LYPLA1: variants seen among roughly 807,000 people sequenced by gnomAD.
LYPLA1 encodes lysophospholipase 1.
In LYPLA1, 17 loss-of-function variants were observed where a neutral mutation model predicts 34.0. The ratio of observed to expected loss-of-function variants is 0.50; its 90% CI spans 0.34 to 0.75. LYPLA1 has a LOEUF of 0.75. Ranked by LOEUF, LYPLA1 falls within the 30% of genes least tolerant of loss-of-function variation. The pLI is 0.01. For missense variants in LYPLA1, 203 were observed against 288.8 expected (o/e 0.70, Z 2.15); for synonymous variants, 98 against 100.8 (o/e 0.97, Z 0.17).
intron 2 of LYPLA1, among the ~76,000 whole-genome samples, chr8:54,082,766 G>A: frequency 6.6e-6 from 1 of 151,778 alleles, no homozygotes; most frequent in Non-Finnish European, 1.5e-5. Flanking sequence ...TCGCTCTCTT[G>A]CCCAGGCTAG....
At chr8:54,092,131 A>G (rs1408269325) in intron 2 of LYPLA1, among the ~76,000 whole-genome samples, 1 of 150,918 alleles carries the variant, frequency 6.6e-6, no homozygotes, top group Admixed American at 6.6e-5. Context: ...CAGCGGCGGC[A>G]GAGGAGATGG....
downstream of LYPLA1, chr8:54,043,061 T>A (rs1163048706): frequency 6.6e-6 from 1 of 152,180 alleles, no homozygotes; most frequent in Non-Finnish European, 1.5e-5. Context: ...CATTGTGCTG[T>A]CACAAATAAC....
chr8:54,100,915 C>G lies in LYPLA1; in HGVS notation c.94G>C (p.Asp32His), dbSNP rs761230161. The G allele has an allele frequency of 1.9e-6, 3 of 1,609,794 alleles. No individual in the cohort carries two copies. Among genetic ancestry groups the G allele is most frequent in the Non-Finnish European group, 2.6e-6 (3 of 1,176,150 alleles). The change falls in exon 2 of 9, where the codon GAT becomes CAT. Residue 32 changes from aspartate to histidine, a missense_variant. Asp to His is a moderately conservative substitution (Grantham distance 81). Transcript: ENST00000316963. Reference sequence around the variant, plus strand: ...AATAATAATGGTACCTACCCAGTATCTCCCAATCCATGCAGGAAAATCACC... The same window carrying G: ...AATAATAATGGTACCTACCCAGTATGTCCCAATCCATGCAGGAAAATCACC... ...AAVIFLHGLG[D>H]TGHGWAEAFA...
chr8:54,067,532 T>G (rs946310246), intron 2 of LYPLA1, among the ~76,000 whole-genome samples: 1 of 152,188 alleles, frequency 6.6e-6, no homozygotes, highest in African/African-American at 2.4e-5. Flanking sequence ...AATTAAGGAA[T>G]AGATGCACAT....
rs1806437980 is a variant in LYPLA1 at position 54,059,387 on chromosome 8, C to A, written c.286+2867G>T. Among the ~76,000 whole-genome samples, 2 of 76,248 alleles carry A rather than the reference C, an allele frequency of 2.6e-5. 1 individual carries two copies. Among genetic ancestry groups the A allele is most frequent in the Non-Finnish European group, 4.0e-5 (2 of 49,422 alleles). The allele number at this position is 76,248 out of a possible 152,430, so 50.0% of individuals were successfully genotyped here. A position where few individuals can be genotyped will look rare whatever the true frequency, so the allele number is the denominator to read the frequency against. On this transcript the variant is annotated intron_variant, in intron 5 of 8. Coordinates refer to ENST00000316963, the MANE Select transcript of LYPLA1 (RefSeq NM_006330.4). ...TGGCGCAATCTCGGCTCACTGCAAGCTCCGCTTCCCGGGTTCACGCCATTC... is the reference window on the plus strand; with the variant it reads ...TGGCGCAATCTCGGCTCACTGCAAGATCCGCTTCCCGGGTTCACGCCATTC...
At chr8:54,048,942 A>G (rs986539234) in intron 8 of LYPLA1, among the ~76,000 whole-genome samples, 5 of 152,202 alleles carry the variant, frequency 3.3e-5, no homozygotes, top group Non-Finnish European at 5.9e-5. Flanking sequence ...ACTCATCTAT[A>G]GAGCTTTTAT....
intron 8 of LYPLA1, among the ~76,000 whole-genome samples, chr8:54,048,717 T>C (rs180697353): frequency 4.6e-5 from 7 of 152,340 alleles, no homozygotes; most frequent in Non-Finnish European, 1.0e-4. Context: ...TCAGCTCTTA[T>C]ATTTCAAGGC....
chr8:54,082,095 C>G (rs1256850586), intron 2 of LYPLA1, among the ~76,000 whole-genome samples: 3 of 152,140 alleles, frequency 2.0e-5, no homozygotes, highest in Non-Finnish European at 4.4e-5. Context: ...AGACTGTATC[C>G]TCAACGAAAC....
chr8:54,068,239 G>A (rs1453659266), intron 2 of LYPLA1, among the ~76,000 whole-genome samples: 3 of 152,072 alleles, frequency 2.0e-5, no homozygotes, highest in Non-Finnish European at 4.4e-5. Flanking sequence ...ATAAATGGAA[G>A]GATATCCCAC....
At chr8:54,101,273 T>C in intron 1 of LYPLA1, 2 of 954,172 alleles carry the variant, frequency 2.1e-6, no homozygotes, top group Non-Finnish European at 2.6e-6. Flanking sequence ...ATTTTTCCAC[T>C]GCAAAAGCAA....
At chr8:54,064,331 C>T (rs544754767) in intron 3 of LYPLA1, among the ~76,000 whole-genome samples, 3 of 152,118 alleles carry the variant, frequency 2.0e-5, no homozygotes, top group East Asian at 3.9e-4. Context: ...GCAGGAGAAA[C>T]GCATGAACCC....
At chr8:54,089,426 G>T (rs1045720483) in intron 2 of LYPLA1, among the ~76,000 whole-genome samples, 2 of 142,654 alleles carry the variant, frequency 1.4e-5, no homozygotes, top group African/African-American at 2.7e-5. Flanking sequence ...TTTATCACAG[G>T]TATGCATGCA....
At chr8:54,061,604 T>A (rs13277892) in intron 5 of LYPLA1, among the ~76,000 whole-genome samples, 1 of 152,002 alleles carries the variant, frequency 6.6e-6, no homozygotes, top group African/African-American at 2.4e-5. Context: ...GGAGACCCTG[T>A]GTCTACAAAA....
At position 54,100,930 on chromosome 8, in the gene LYPLA1, G is replaced by A; in HGVS notation, c.79C>T (p.Leu27=). The A allele has an allele frequency of 6.2e-7, 1 of 1,609,584 alleles. No individual in the cohort carries two copies. Among genetic ancestry groups the A allele is most frequent in the African/African-American group, 1.3e-5 (1 of 74,910 alleles). The change falls in exon 2 of 9, where the codon CTG becomes TTG. Residue 27 remains leucine, a synonymous_variant. Coordinates refer to ENST00000316963, the MANE Select transcript of LYPLA1 (RefSeq NM_006330.4). ...TACCCAGTATCTCCCAATCCATGCA[G>A]GAAAATCACCTATAAGAGAAGAGGA... The part of the protein sequence containing the change: ...ARKATAAVIF[L]HGLGDTGHGW...
intron 2 of LYPLA1, among the ~76,000 whole-genome samples, chr8:54,094,305 T>G (rs1370894208): frequency 6.6e-6 from 1 of 152,170 alleles, no homozygotes; most frequent in African/African-American, 2.4e-5. Context: ...TCGTTTCCCC[T>G]TAATTGGAAC....
chr8:54,088,766 A>G (rs1808986347), intron 2 of LYPLA1, among the ~76,000 whole-genome samples: 1 of 152,244 alleles, frequency 6.6e-6, no homozygotes, highest in South Asian at 2.1e-4. Flanking sequence ...CTTAAGAGAC[A>G]GAGTCTCACT....
chr8:54,101,434 GT>G (rs1810141934), intron 1 of LYPLA1: 1 of 1,083,878 alleles, frequency 9.2e-7, no homozygotes. Flanking sequence ...GCGGACTTAG[GT>G]TTCCCTCACC....
intron 1 of LYPLA1, chr8:54,101,248 C>A: frequency 1.4e-6 from 1 of 711,810 alleles, no homozygotes; most frequent in Admixed American, 5.0e-5. Flanking sequence ...AGGAACATCT[C>A]ACATATCCTG....
At chr8:54,097,558 T>C (rs1809785121) in intron 2 of LYPLA1, among the ~76,000 whole-genome samples, 1 of 152,232 alleles carries the variant, frequency 6.6e-6, no homozygotes, top group South Asian at 2.1e-4. Flanking sequence ...ATACTAAATG[T>C]TAAATTTAAT....
Sources: gnomAD v4.1 joint callset for allele counts (sites outside exome capture counted in the v4.1 genomes callset) on GRCh38, gnomAD v4.1.1 for gene constraint, MANE v1.5 for transcripts, NCBI Gene and HGNC (gene_info 2026-07-23, HGNC 2026-07-21) for gene names.